ARHGEF10: variants seen among roughly 807,000 people sequenced by gnomAD.
ARHGEF10 encodes the protein Rho guanine nucleotide exchange factor 10.
ARHGEF10 carries 140 observed loss-of-function variants against 147.4 expected under a neutral mutation model. The ratio of observed to expected loss-of-function variants is 0.95; its 90% confidence interval spans 0.83 to 1.09. The LOEUF (loss-of-function observed/expected upper bound fraction) is 1.09, where lower values mean the gene tolerates loss of function less well. Ranked by LOEUF, ARHGEF10 falls within the 50% of genes least tolerant of loss-of-function variation. The pLI is 0.00. For missense variants in ARHGEF10, 2,222 were observed against 1,752.7 expected (o/e 1.27, Z -4.78); for synonymous variants, 902 against 695.8 (o/e 1.30, Z -4.67).
At chr8:1,918,910 A>G (rs1363005730) in intron 18 of ARHGEF10, among the ~76,000 whole-genome samples, 5 of 148,538 alleles carry the variant, frequency 3.4e-5, no homozygotes, top group Non-Finnish European at 7.4e-5. Context: ...AAAGTGACGG[A>G]GGTGTTCTGT....
chr8:1,894,344 A>T, intron 12 of ARHGEF10, 49 bp from the exon 13 acceptor site: 1 of 1,604,394 alleles, frequency 6.2e-7, no homozygotes, highest in Admixed American at 1.7e-5. Context: ...AACAAGACCC[A>T]GGCTCTGAAA....
At chr8:1,847,401 C>T (rs1563169334) in intron 2 of ARHGEF10, among the ~76,000 whole-genome samples, 1 of 152,190 alleles carries the variant, frequency 6.6e-6, no homozygotes. Flanking sequence ...AGTCACACTG[C>T]CAGCTAAAGC....
In ARHGEF10 at chr8:1,896,573, G is replaced by T. The variant is rs1471033004; in HGVS notation, c.1557+124G>T. 7 of 757,730 alleles carry T rather than the reference G, an allele frequency of 9.2e-6. No individual in the cohort carries two copies. The East Asian group carries it at 1.7e-4, about 19-fold the overall frequency. The allele number at this position is 757,730 out of a possible 1,614,324, so 46.9% of individuals were successfully genotyped here. ...CAGTATCAATAGTGCCCTAGATATT[G>T]GATTAATGCTAGAAATGAAGATGAA... On this transcript the variant is annotated intron_variant, in intron 14 of 28. Transcript: ENST00000349830.
chr8:1,897,727 C>T (rs912347355), intron 14 of ARHGEF10, among the ~76,000 whole-genome samples: 5 of 152,196 alleles, frequency 3.3e-5, no homozygotes, highest in African/African-American at 1.2e-4. Flanking sequence ...CACTTAAGAG[C>T]TCACTCCCTC....
intron 1 of ARHGEF10, chr8:1,825,950 A>G (rs1479234148): frequency 1.5e-6 from 1 of 655,916 alleles, no homozygotes; most frequent in African/African-American, 1.8e-5. Flanking sequence ...CACCTGCTTT[A>G]TAGAAAATAA....
chr8:1,830,497 G>T (rs896050928), intron 1 of ARHGEF10, among the ~76,000 whole-genome samples: 37 of 152,308 alleles, frequency 2.4e-4, no homozygotes, highest in African/African-American at 8.9e-4. Flanking sequence ...TCTATAAAAA[G>T]AAACAACCTT....
chr8:1,886,434 C>G (rs1808664679), intron 11 of ARHGEF10, among the ~76,000 whole-genome samples: 2 of 152,066 alleles, frequency 1.3e-5, no homozygotes, highest in African/African-American at 2.4e-5. Flanking sequence ...AGAGCATTGT[C>G]AGATTAAAGA....
chr8:1,868,734 G>A (rs1806830428), intron 6 of ARHGEF10, among the ~76,000 whole-genome samples: 1 of 152,114 alleles, frequency 6.6e-6, no homozygotes, highest in Non-Finnish European at 1.5e-5. Flanking sequence ...CAGCACTGAT[G>A]GGCTCTTTTC....
In ARHGEF10 at chr8:1,937,590, G is replaced by A. The variant is rs1159293322; in HGVS notation, c.3222+3648G>A. Among the ~76,000 whole-genome samples, 1 of 152,200 alleles carries A rather than the reference G, an allele frequency of 6.6e-6. No individual in the cohort carries two copies. Among genetic ancestry groups the A allele is most frequent in the Non-Finnish European group, 1.5e-5 (1 of 68,034 alleles). ...AAATAACTAAATACATTTTTAGAAA[G>A]AAGCAAAAATCTGCTCTCTGAAAAC... On this transcript the variant is annotated intron_variant, in intron 26 of 28. Transcript: ENST00000349830. The surrounding 1 kb of genome is among the most constrained non-coding windows in gnomAD (Gnocchi z 4.9).
chr8:1,824,629 C>G (rs1331092350), intron 1 of ARHGEF10, among the ~76,000 whole-genome samples: 1 of 134,436 alleles, frequency 7.4e-6, no homozygotes. Context: ...ACTCTGCACT[C>G]CACCAGTTCC....
intron 1 of ARHGEF10, among the ~76,000 whole-genome samples, chr8:1,829,247 G>C (rs978757088): frequency 3.3e-5 from 5 of 152,242 alleles, no homozygotes; most frequent in African/African-American, 1.2e-4. Flanking sequence ...CAGAAGCTCC[G>C]TATGTTTTGT....
chr8:1,823,923 G>C (rs1802565773), upstream of ARHGEF10: 1 of 151,690 alleles, frequency 6.6e-6, no homozygotes, highest in Non-Finnish European at 1.5e-5. Flanking sequence ...CCGTCCGGGC[G>C]GGAGGGGCTG....
intron 28 of ARHGEF10, among the ~76,000 whole-genome samples, chr8:1,953,897 CG>C (rs946810049): frequency 2.6e-5 from 4 of 152,180 alleles, no homozygotes; most frequent in African/African-American, 7.2e-5. Flanking sequence ...ACTGTTCCTA[CG>C]GGCTCCATTT....
intron 10 of ARHGEF10, 144 bp from the exon 11 acceptor site, chr8:1,885,457 A>T: frequency 1.6e-6 from 1 of 644,384 alleles, no homozygotes; most frequent in Non-Finnish European, 2.8e-6. Flanking sequence ...TAAAAATTCA[A>T]CTTAATAATA....
At chr8:1,891,718 G>A (rs1435125053) in intron 11 of ARHGEF10, among the ~76,000 whole-genome samples, 1 of 152,064 alleles carries the variant, frequency 6.6e-6, no homozygotes, top group Non-Finnish European at 1.5e-5. Context: ...GGCTTCTCAG[G>A]AAGAGAGTGA....
At chr8:1,890,108 G>A (rs1809341306) in intron 11 of ARHGEF10, among the ~76,000 whole-genome samples, 1 of 148,936 alleles carries the variant, frequency 6.7e-6, no homozygotes, top group Non-Finnish European at 1.5e-5. Flanking sequence ...GTCACCGAGT[G>A]CCGTGTGAGT....
At chr8:1,904,699 T>A (rs1365086672) in intron 16 of ARHGEF10, among the ~76,000 whole-genome samples, 1 of 152,044 alleles carries the variant, frequency 6.6e-6, no homozygotes, top group Non-Finnish European at 1.5e-5. Context: ...CCCGTGCACT[T>A]GGCAGGGACA....
At chr8:1,947,157 T>A (rs1336048380) in intron 27 of ARHGEF10, among the ~76,000 whole-genome samples, 1 of 152,146 alleles carries the variant, frequency 6.6e-6, no homozygotes, top group Non-Finnish European at 1.5e-5. Context: ...ACATCCGTAA[T>A]TGCCAAAGCA....
Position 1,957,191 on chromosome 8 carries a change from G to C in ARHGEF10, c.3963G>C (p.Lys1321Asn), listed in dbSNP as rs771555529. The change falls in exon 29 of 29, where the codon AAG (lysine) becomes AAC (asparagine). Residue 1321 changes from lysine to asparagine, a missense_variant. Physicochemically the swap from Lys to Asn is moderately conservative, Grantham distance 94. Coordinates refer to ENST00000349830, the MANE Select transcript of ARHGEF10 (RefSeq NM_014629.4). Reference sequence around the variant, plus strand: ...AGGGCCACCGCCGGGTGCACAGGAAGGCCCGGCAGCCCCACCAGGAAGAGC... The same window carrying C: ...AGGGCCACCGCCGGGTGCACAGGAACGCCCGGCAGCCCCACCAGGAAGAGC... ...GGQGHRRVHR[K>N]ARQPHQEELA... 3.1e-6 allele frequency: 5 copies of C among 1,612,372 alleles called. No individual in the cohort carries two copies. In the South Asian group the frequency reaches 5.5e-5, roughly 18 times the overall value.
Sources: allele counts gnomAD v4.1 joint callset (sites outside exome capture counted in the v4.1 genomes callset), GRCh38; gene constraint gnomAD v4.1.1; non-coding constraint Gnocchi (gnomAD v3.1); transcripts MANE v1.5; gene names NCBI Gene and HGNC (gene_info 2026-07-23, HGNC 2026-07-21).